USP8: variants seen among roughly 807,000 people sequenced by gnomAD.
The protein encoded by USP8 is ubiquitin carboxyl-terminal hydrolase 8.
A neutral mutation model predicts 130.0 loss-of-function variants in USP8; 27 were observed. That is an observed-to-expected ratio of 0.21 (90% confidence interval 0.15 to 0.29). USP8 has a LOEUF of 0.29. Ranked by LOEUF, USP8 falls within the 10% of genes least tolerant of loss-of-function variation. USP8 has a pLI of 1.00. For missense variants in USP8, 1,029 were observed against 1,312.2 expected, an observed-to-expected ratio of 0.78 and a Z score of 3.33; for synonymous variants, 392 against 444.1, an observed-to-expected ratio of 0.88 and a Z score of 1.48.
Position 50,459,307 on chromosome 15 carries a change from G to C in USP8, c.498+145G>C, listed in dbSNP as rs537606854. The C allele has an allele frequency of 7.1e-5, 86 of 1,204,278 alleles. 1 individual carries two copies. The South Asian group carries it at 1.4e-3, about 19-fold the overall frequency. 74.6% of individuals were successfully genotyped at this position (1,204,278 alleles called of 1,614,324 possible). ...TTAATTAGAAATTTATTTAAGGCTG[G>C]GCACGGTGGCTCACGCCTGTAATCC... On this transcript the variant is annotated intron_variant, in intron 5 of 19. Coordinates refer to ENST00000307179, the MANE Select transcript of USP8 (RefSeq NM_005154.5).
intron 1 of USP8, among the ~76,000 whole-genome samples, chr15:50,433,763 G>A (rs1446020719): frequency 6.6e-6 from 1 of 152,082 alleles, no homozygotes; most frequent in Non-Finnish European, 1.5e-5. Context: ...CCGCCACCGT[G>A]CCCGGCTAAT....
At chr15:50,470,834 G>A (rs1274765275) in intron 7 of USP8, among the ~76,000 whole-genome samples, 1 of 151,934 alleles carries the variant, frequency 6.6e-6, no homozygotes, top group African/African-American at 2.4e-5. Flanking sequence ...CTGACCTCAG[G>A]TGATCCACCC....
chr15:50,455,005 A>G (rs2050747813), intron 4 of USP8, among the ~76,000 whole-genome samples: 1 of 151,492 alleles, frequency 6.6e-6, no homozygotes, highest in Non-Finnish European at 1.5e-5. Context: ...CCCTTCAAAT[A>G]CTGACTCTTT....
rs966954805 is a variant in USP8, at chr15:50,496,032, C to T, written c.2843C>T (p.Ala948Val). 1 of 1,613,846 alleles carries T rather than the reference C, an allele frequency of 6.2e-7. No homozygotes were observed. The highest frequency in any genetic ancestry group is 1.7e-5 in the Admixed American group (1 of 59,996). The change falls in exon 17 of 20, where the codon GCC (alanine) becomes GTC (valine). Residue 948 changes from alanine to valine, a missense_variant. By Grantham distance (64) the Ala-to-Val change is moderately conservative. Coordinates refer to ENST00000307179, the MANE Select transcript of USP8 (RefSeq NM_005154.5). ...TCHKKSRTFE[A>V]FMYLSLPLAS... is the part of the protein sequence containing the mutation. ...CACAAAAAGTCTAGGACATTTGAGG[C>T]CTTCATGTATTTGTCTCTACCACTA...
At chr15:50,474,756 A>C (rs985951935) in intron 8 of USP8, among the ~76,000 whole-genome samples, 81 of 152,340 alleles carry the variant, frequency 5.3e-4, no homozygotes, top group African/African-American at 1.9e-3. Flanking sequence ...TATTAGGAGA[A>C]AGCATTGGTA....
In USP8 at chr15:50,512,618, C is replaced by T. The variant is rs547284467; in HGVS notation, c.*13530C>T. On this transcript the variant is annotated 3_prime_UTR_variant, in exon 20 of 20. Coordinates refer to ENST00000307179, the MANE Select transcript of USP8 (RefSeq NM_005154.5). ...CAGTCTGGCCAACATGGTGAAACCA[C>T]ATCTCTACTAAAAATATTTTTAAAA... 5.4e-4 allele frequency: 82 copies of T among 152,092 alleles called. 1 individual carries two copies. In the South Asian group the frequency reaches 0.015, roughly 28 times the overall value. The allele number at this position is 152,092 out of a possible 1,614,324, so 9.4% of individuals were successfully genotyped here.
intron 15 of USP8, chr15:50,493,321 A>G: frequency 1.9e-6 from 1 of 520,276 alleles, no homozygotes; most frequent in Non-Finnish European, 3.8e-6. Context: ...ATGAATAAGT[A>G]AGCATTTTGG....
chr15:50,499,713 CTTTAA>C lies in USP8; in HGVS notation c.*629_*633del, dbSNP rs1027301416. The C allele has an allele frequency of 3.3e-5, 5 of 151,696 alleles. No individual in the cohort carries two copies. Among genetic ancestry groups the C allele is most frequent in the Non-Finnish European group, 7.4e-5 (5 of 67,918 alleles). The allele number at this position is 151,696 out of a possible 1,614,324, so 9.4% of individuals were successfully genotyped here. ...TTTATTCTAAAAAAAAAAATGGAAACTTTAATTTTTTTAAAACGAGAATTTCATTT... is the reference window on the plus strand; with the variant it reads ...TTTATTCTAAAAAAAAAAATGGAAACTTTTTTTAAAACGAGAATTTCATTT... On this transcript the variant is annotated 3_prime_UTR_variant, in exon 20 of 20. Coordinates refer to ENST00000307179, the MANE Select transcript of USP8 (RefSeq NM_005154.5).
intron 5 of USP8, among the ~76,000 whole-genome samples, chr15:50,460,796 A>AT (rs1311781851): frequency 6.6e-6 from 1 of 151,926 alleles, no homozygotes; most frequent in African/African-American, 2.4e-5. Context: ...TTCTGCTTTG[A>AT]TTTTTTTCTT....
rs2051777313 is a variant in USP8, at chr15:50,481,695, A to C, written c.1433A>C (p.Gln478Pro). The C allele has an allele frequency of 6.2e-7, 1 of 1,612,174 alleles. No individual in the cohort carries two copies. Among genetic ancestry groups the C allele is most frequent in the African/African-American group, 1.3e-5 (1 of 74,688 alleles). The change falls in exon 11 of 20, where the codon CAA becomes CCA. Residue 478 changes from glutamine (Q) to proline (P), a missense_variant. This residue lies in a region of USP8 where 486 missense variants were observed against 522.0 expected (regional missense o/e 0.93). Coordinates refer to ENST00000307179, the MANE Select transcript of USP8 (RefSeq NM_005154.5). ...ETALLMEKNK[Q>P]EKELRERQQE... is the part of the protein sequence containing the mutation. ...GCTCTTCTAATGGAAAAAAACAAAC[A>C]AGAAAAAGAACTTCGGGAAAGGCAG... is the stretch of plus-strand genomic sequence containing the variant.
chr15:50,455,363 C>A (rs1276378853), intron 4 of USP8, among the ~76,000 whole-genome samples: 1 of 147,408 alleles, frequency 6.8e-6, no homozygotes, highest in Non-Finnish European at 1.5e-5. Context: ...TAGGCATGAG[C>A]CACTGCGCCC....
chr15:50,443,229 C>T (rs1442147669), intron 3 of USP8, among the ~76,000 whole-genome samples: 6 of 151,444 alleles, frequency 4.0e-5, no homozygotes, highest in East Asian at 3.9e-4. Flanking sequence ...TTAGTAGAGA[C>T]GGAGTTTCAC....
chr15:50,453,860 C>CTTTTTTT (rs71124355), intron 4 of USP8, among the ~76,000 whole-genome samples: 25 of 86,948 alleles, frequency 2.9e-4, no homozygotes, highest in Non-Finnish European at 3.5e-4. Context: ...TGGGAATATT[C>CTTTTTTT]TTTTTTTTTT....
At chr15:50,434,809 G>T (rs573618709) in intron 1 of USP8, among the ~76,000 whole-genome samples, 26 of 152,076 alleles carry the variant, frequency 1.7e-4, no homozygotes, top group African/African-American at 5.5e-4. Flanking sequence ...TAATAGAGAT[G>T]AGGTTTCACC....
Position 50,506,037 on chromosome 15 carries a change from C to G in USP8, c.*6949C>G, listed in dbSNP as rs1348204867. 6.6e-6 allele frequency: 1 copy of G among 152,118 alleles called. No homozygotes were observed. The highest frequency in any genetic ancestry group is 2.4e-5 in the African/African-American group (1 of 41,426). 9.4% of individuals were successfully genotyped at this position (152,118 alleles called of 1,614,324 possible). A position where few individuals can be genotyped will look rare whatever the true frequency, so the allele number is the denominator to read the frequency against. On this transcript the variant is annotated 3_prime_UTR_variant, in exon 20 of 20. Coordinates refer to ENST00000307179, the MANE Select transcript of USP8 (RefSeq NM_005154.5). Reference sequence around the variant, plus strand: ...TAAGAGCTTTCCATTTCTTTGGGAGCAGAGTATAAAGATCTTGATTAACTT... The same window carrying G: ...TAAGAGCTTTCCATTTCTTTGGGAGGAGAGTATAAAGATCTTGATTAACTT...
At position 50,513,205 on chromosome 15, in the gene USP8, T is replaced by C. The variant is rs1024618242; in HGVS notation, c.*14117T>C. 6.6e-6 allele frequency: 1 copy of C among 152,168 alleles called. No individual in the cohort carries two copies. Among genetic ancestry groups the C allele is most frequent in the African/African-American group, 2.4e-5 (1 of 41,442 alleles). 9.4% of individuals were successfully genotyped at this position (152,168 alleles called of 1,614,324 possible). A position where few individuals can be genotyped will look rare whatever the true frequency, so the allele number is the denominator to read the frequency against. On this transcript the variant is annotated 3_prime_UTR_variant, in exon 20 of 20. Coordinates refer to ENST00000307179, the MANE Select transcript of USP8 (RefSeq NM_005154.5). ...TTTATGATCTAAGTGACCTCACTCC[T>C]AAGTATATACATGAGAGAAACTCTT...
At chr15:50,494,729 A>G (rs976440649) in intron 16 of USP8, among the ~76,000 whole-genome samples, 8 of 152,194 alleles carry the variant, frequency 5.3e-5, no homozygotes, top group African/African-American at 1.9e-4. Flanking sequence ...AATAAGAATT[A>G]CTTGGCTGGG....
rs2052749181 is a variant in USP8, at chr15:50,512,331, A to T, written c.*13243A>T. Reference sequence around the variant, plus strand: ...CAACAGAGCAAGACTCTGTTAAAAAAAAAAAAAATAGCGAGAGATCGAGAG... The same window carrying T: ...CAACAGAGCAAGACTCTGTTAAAAATAAAAAAAATAGCGAGAGATCGAGAG... On this transcript the variant is annotated 3_prime_UTR_variant, in exon 20 of 20. Transcript: ENST00000307179. 6.6e-6 allele frequency: 1 copy of T among 152,020 alleles called. No homozygotes were observed. Among genetic ancestry groups the T allele is most frequent in the South Asian group, 2.1e-4 (1 of 4,828 alleles). The allele number at this position is 152,020 out of a possible 1,614,324, so 9.4% of individuals were successfully genotyped here.
At chr15:50,494,757 G>C (rs145562151) in intron 16 of USP8, among the ~76,000 whole-genome samples, 31 of 152,288 alleles carry the variant, frequency 2.0e-4, no homozygotes, top group Admixed American at 7.8e-4. Context: ...GCTTATGCCT[G>C]TAATCCCAGT....
Sources: gnomAD v4.1 joint callset for allele counts (sites outside exome capture counted in the v4.1 genomes callset) on GRCh38, gnomAD v4.1.1 for gene constraint, gnomAD v4.1.1 regional missense constraint, MANE v1.5 for transcripts, NCBI Gene and HGNC (gene_info 2026-07-23, HGNC 2026-07-21) for gene names.